MGAT4C: variants seen among roughly 807,000 people sequenced by gnomAD.
MGAT4C encodes alpha-1,3-mannosyl-glycoprotein 4-beta-N-acetylglucosaminyltransferase C.
A neutral mutation model predicts 40.1 loss-of-function variants in MGAT4C; 19 were observed. The observed-to-expected ratio is 0.47, with a 90% confidence interval of 0.33 to 0.70. The LOEUF (loss-of-function observed/expected upper bound fraction) is 0.70, where lower values mean the gene tolerates loss of function less well. Ranked by LOEUF, MGAT4C falls within the 30% of genes least tolerant of loss-of-function variation. The probability of loss-of-function intolerance (pLI) is 0.02; values close to 1 mark genes in which losing one functional copy is unlikely to be tolerated. For synonymous variants in MGAT4C, 181 were observed against 187.1 expected (o/e 0.97, Z 0.27); for missense variants, 491 against 563.2 (o/e 0.87, Z 1.30).
rs1956155047 is a variant in MGAT4C at position 86,391,244 on chromosome 12, G to T, written c.-120+43913C>A. Among the ~76,000 whole-genome samples, 2 of 152,148 alleles carry T rather than the reference G, an allele frequency of 1.3e-5. 1 individual carries two copies. Among genetic ancestry groups the T allele is most frequent in the South Asian group, 4.1e-4 (2 of 4,834 alleles). ...TACATGAATTCACAGAAATTTCAGT[G>T]TATGAGAGAGTACATGTAAGCACTT... On this transcript the variant is annotated intron_variant, in intron 3 of 7. Coordinates refer to the MGAT4C transcript ENST00000548651.
Position 86,002,236 on chromosome 12 carries a change from A to AT in MGAT4C, c.-6-12685_-6-12684insA, listed in dbSNP as rs566895460. The stretch of plus-strand genomic sequence containing the variant: ...TCTGAGGTTGAAAAAGGAAAAAAAA[A>AT]GGCTGATTGAAAAATAGATTGGATA... On this transcript the variant is annotated intron_variant, in intron 2 of 4. Coordinates refer to ENST00000611864, the MANE Select transcript of MGAT4C (RefSeq NM_001351288.2). 412 of 152,276 alleles carry AT rather than the reference A, an allele frequency of 2.7e-3. 3 individuals are homozygous for AT. Among genetic ancestry groups the AT allele is most frequent in the African/African-American group, 9.2e-3 (381 of 41,558 alleles). 9.4% of individuals were successfully genotyped at this position (152,276 alleles called of 1,614,324 possible).
chr12:86,387,818 ATCAAATACTG>A (rs1956083687), intron 3 of MGAT4C, among the ~76,000 whole-genome samples: 1 of 152,166 alleles, frequency 6.6e-6, no homozygotes, highest in Non-Finnish European at 1.5e-5. Context: ...TGCATTATTT[ATCAAATACTG>A]TGGATGTTAT....
At chr12:86,085,244 T>C (rs1156476748) in intron 1 of MGAT4C, among the ~76,000 whole-genome samples, 1 of 152,138 alleles carries the variant, frequency 6.6e-6, no homozygotes, top group Non-Finnish European at 1.5e-5. Context: ...TTTGTTGCAA[T>C]TGCTTTTGGT....
intron 2 of MGAT4C, among the ~76,000 whole-genome samples, chr12:86,036,100 C>T (rs1170481709): frequency 6.7e-6 from 1 of 149,656 alleles, no homozygotes; most frequent in Non-Finnish European, 1.5e-5. Context: ...TAGTTTTTTC[C>T]AATTCTGTGA....
intron 1 of MGAT4C, among the ~76,000 whole-genome samples, chr12:86,126,250 T>C (rs1244531717): frequency 1.3e-5 from 2 of 151,924 alleles, no homozygotes; most frequent in Non-Finnish European, 2.9e-5. Flanking sequence ...TGTCTCATAT[T>C]ACTAATAAAG....
At chr12:86,515,234 A>G (rs1314462544) in intron 2 of MGAT4C, among the ~76,000 whole-genome samples, 1 of 152,208 alleles carries the variant, frequency 6.6e-6, no homozygotes. Context: ...TAGCAATAGG[A>G]CAAAATAATT....
chr12:86,838,694 A>C (rs1211242000), exon 1 of MGAT4C: 1 of 152,190 alleles, frequency 6.6e-6, no homozygotes, highest in Non-Finnish European at 1.5e-5. Context: ...CGATAACAAT[A>C]ATCCATTAGA....
At chr12:86,420,944 T>C (rs545322448) in intron 3 of MGAT4C, among the ~76,000 whole-genome samples, 1 of 151,774 alleles carries the variant, frequency 6.6e-6, no homozygotes, top group South Asian at 2.1e-4. Context: ...TGTGTATATA[T>C]ATACTTTTTC....
At chr12:86,257,230 C>T (rs148609099), upstream of MGAT4C, among the ~76,000 whole-genome samples, 10 of 152,256 alleles carry the variant, frequency 6.6e-5, no homozygotes, top group East Asian at 1.7e-3. Flanking sequence ...GATTTCTCCC[C>T]AGGCTTAAAT....
At chr12:86,389,930 A>C (rs761604435) in intron 3 of MGAT4C, among the ~76,000 whole-genome samples, 1 of 152,202 alleles carries the variant, frequency 6.6e-6, no homozygotes, top group Non-Finnish European at 1.5e-5. Context: ...TGTTTTGTCT[A>C]TATGATAGAA....
intron 3 of MGAT4C, among the ~76,000 whole-genome samples, chr12:86,334,714 C>T (rs542361767): frequency 1.3e-5 from 2 of 152,000 alleles, no homozygotes; most frequent in South Asian, 4.1e-4. Flanking sequence ...TAATTTAAAC[C>T]ACATTAAACA....
At chr12:86,251,159 G>C (rs1952261135) in intron 1 of MGAT4C, among the ~76,000 whole-genome samples, 1 of 146,162 alleles carries the variant, frequency 6.8e-6, no homozygotes, top group African/African-American at 2.5e-5. Context: ...TATTATGAAG[G>C]CATGAAGACT....
At chr12:86,111,430 T>C (rs894241327) in intron 1 of MGAT4C, among the ~76,000 whole-genome samples, 1 of 151,858 alleles carries the variant, frequency 6.6e-6, no homozygotes, top group Admixed American at 6.6e-5. Context: ...GGAACAAGAA[T>C]TTGGCTCATT....
chr12:86,706,445 G>C (rs941040660), intron 2 of MGAT4C, among the ~76,000 whole-genome samples: 1 of 151,446 alleles, frequency 6.6e-6, no homozygotes, highest in Non-Finnish European at 1.5e-5. Context: ...TTTAAATAGG[G>C]ATAGGGTCTC....
chr12:86,736,675 T>A (rs1452583660), intron 1 of MGAT4C, among the ~76,000 whole-genome samples: 1 of 151,744 alleles, frequency 6.6e-6, no homozygotes, highest in Non-Finnish European at 1.5e-5. Flanking sequence ...TGTACCTATA[T>A]AGAAGTCTTC....
intron 4 of MGAT4C, among the ~76,000 whole-genome samples, chr12:86,327,116 C>T (rs1383915501): frequency 6.6e-6 from 1 of 151,974 alleles, no homozygotes; most frequent in Non-Finnish European, 1.5e-5. Flanking sequence ...ATAAAATATG[C>T]ATTTACCATT....
Position 86,498,576 on chromosome 12 carries a change from G to A in MGAT4C, c.-228-63311C>T, listed in dbSNP as rs184923866. On this transcript the variant is annotated intron_variant, in intron 2 of 7. Transcript: ENST00000548651. Reference sequence around the variant, plus strand: ...TACAGACCATACCTGGCTGCCATTTGCAATCAAGAGCAATGTAATCAAGTG... The same window carrying A: ...TACAGACCATACCTGGCTGCCATTTACAATCAAGAGCAATGTAATCAAGTG... Among the ~76,000 whole-genome samples, 11 of 151,970 alleles carry A rather than the reference G, an allele frequency of 7.2e-5. No individual in the cohort carries two copies. The East Asian group carries it at 2.1e-3, about 29-fold the overall frequency.
chr12:86,078,749 C>T (rs1175081445), intron 1 of MGAT4C, among the ~76,000 whole-genome samples: 1 of 152,132 alleles, frequency 6.6e-6, no homozygotes, highest in Non-Finnish European at 1.5e-5. Context: ...TTGTTCATGG[C>T]CCATCGGGCG....
intron 2 of MGAT4C, among the ~76,000 whole-genome samples, chr12:86,682,526 T>G (rs1460220000): frequency 6.6e-6 from 1 of 152,110 alleles, no homozygotes; most frequent in Non-Finnish European, 1.5e-5. Flanking sequence ...GCTATAGCTA[T>G]GCATATCATA....
Sources: gnomAD v4.1 joint callset for allele counts (sites outside exome capture counted in the v4.1 genomes callset) on GRCh38, gnomAD v4.1.1 for gene constraint, MANE v1.5 for transcripts, NCBI Gene and HGNC (gene_info 2026-07-23, HGNC 2026-07-21) for gene names.